The following CACNA1E variants were observed in gnomAD, a reference collection of about 807,000 sequenced individuals.
CACNA1E encodes the protein voltage-dependent R-type calcium channel subunit alpha-1E.
Under a neutral mutation model 259.2 loss-of-function variants are expected in CACNA1E, and 40 were observed. The ratio of observed to expected loss-of-function variants is 0.15; its 90% CI spans 0.12 to 0.20. CACNA1E has a LOEUF of 0.20. CACNA1E is among the 10% of genes least tolerant of loss of function. The pLI, the probability that CACNA1E is intolerant of heterozygous loss-of-function variation, is 1.00. For synonymous variants in CACNA1E, 1,104 were observed against 1,138.5 expected (o/e 0.97, Z 0.61); for missense variants, 1,874 against 3,040.1 (o/e 0.62, Z 9.02).
chr1:181,692,185 A>T (rs1651231647), intron 7 of CACNA1E, among the ~76,000 whole-genome samples: 1 of 152,210 alleles, frequency 6.6e-6, no homozygotes, highest in African/African-American at 2.4e-5. Context: ...AAACTGGAAA[A>T]ATATTTTATG....
chr1:181,417,207 A>G (rs1345261530), intron 2 of CACNA1E, among the ~76,000 whole-genome samples: 3 of 151,996 alleles, frequency 2.0e-5, no homozygotes, highest in Admixed American at 1.3e-4. Context: ...CCCCTTCCCC[A>G]GTCATGTCAC....
intron 2 of CACNA1E, among the ~76,000 whole-genome samples, chr1:181,457,830 A>T (rs1028152107): frequency 6.6e-6 from 1 of 152,236 alleles, no homozygotes; most frequent in African/African-American, 2.4e-5. Flanking sequence ...AAAAAGAGTA[A>T]CTGGTGATAT....
chr1:181,589,326 GA>G (rs1467497844), intron 6 of CACNA1E, among the ~76,000 whole-genome samples: 1 of 152,184 alleles, frequency 6.6e-6, no homozygotes, highest in Non-Finnish European at 1.5e-5. Context: ...CCTACTATGT[GA>G]ATTTCCATGA....
At chr1:181,366,854 G>C (rs922425135) in intron 1 of CACNA1E, among the ~76,000 whole-genome samples, 1 of 152,178 alleles carries the variant, frequency 6.6e-6, no homozygotes, top group Non-Finnish European at 1.5e-5. Flanking sequence ...GTGGTGCTTG[G>C]CACTTAACCT....
chr1:181,715,812 A>G (rs753513377), intron 9 of CACNA1E, among the ~76,000 whole-genome samples: 3 of 152,210 alleles, frequency 2.0e-5, no homozygotes, highest in Admixed American at 6.5e-5. Context: ...AGGCTCTAGC[A>G]TGGCTTCCAG....
intron 3 of CACNA1E, among the ~76,000 whole-genome samples, chr1:181,571,611 C>G (rs1433897630): frequency 6.6e-6 from 1 of 152,246 alleles, no homozygotes; most frequent in African/African-American, 2.4e-5. Context: ...GGAAATTCAG[C>G]TTGTATTAGG....
At chr1:181,616,118 G>T (rs907156243) in intron 6 of CACNA1E, among the ~76,000 whole-genome samples, 2 of 152,006 alleles carry the variant, frequency 1.3e-5, no homozygotes, top group Non-Finnish European at 2.9e-5. Context: ...TTTTACGATT[G>T]CATTATCTGT....
intron 6 of CACNA1E, among the ~76,000 whole-genome samples, chr1:181,587,141 C>G (rs796209045): frequency 4.5e-4 from 69 of 152,194 alleles, no homozygotes; most frequent in African/African-American, 1.6e-3. Context: ...GTGTTGGAAT[C>G]TTGTAGAAAT....
At position 181,473,469 on chromosome 1, in the gene CACNA1E, ATGAC is replaced by A. The variant is rs1293439643; in HGVS notation, c.435-10274_435-10271del. On this transcript the variant is annotated intron_variant, in intron 2 of 11. Transcript: ENST00000524607. ...TTGCTCTGGGATATTGCAATGCAAA[ATGAC>A]AGCAGCAGTAGGAGGAGCAGGTTGG... Among the ~76,000 whole-genome samples the A allele has an allele frequency of 3.3e-5, 5 of 152,228 alleles. No homozygotes were observed. The East Asian group carries it at 9.6e-4, about 29-fold the overall frequency.
chr1:181,640,849 G>A (rs984156902), intron 6 of CACNA1E, among the ~76,000 whole-genome samples: 2 of 152,148 alleles, frequency 1.3e-5, no homozygotes, highest in African/African-American at 2.4e-5. Flanking sequence ...AGAATCTCCT[G>A]TTTGTGGAGT....
At chr1:181,691,967 A>G (rs1184092581) in intron 7 of CACNA1E, among the ~76,000 whole-genome samples, 1 of 152,198 alleles carries the variant, frequency 6.6e-6, no homozygotes, top group Non-Finnish European at 1.5e-5. Flanking sequence ...ACTTCAGTGA[A>G]GTTTCAGGAT....
intron 1 of CACNA1E, among the ~76,000 whole-genome samples, chr1:181,363,726 G>A (rs34291208): frequency 0.092 from 13,975 of 152,188 alleles, 710 homozygotes; most frequent in Non-Finnish European, 0.1. Flanking sequence ...CTGGTCTCTG[G>A]CTCTCTGCAT....
chr1:181,572,172 C>G (rs542639679), intron 3 of CACNA1E, among the ~76,000 whole-genome samples: 165 of 152,180 alleles, frequency 1.1e-3, no homozygotes, highest in Non-Finnish European at 2.0e-3. Flanking sequence ...TATTATAGAC[C>G]TGGATTGACA....
intron 6 of CACNA1E, among the ~76,000 whole-genome samples, chr1:181,607,492 G>A (rs770725886): frequency 5.3e-5 from 8 of 152,102 alleles, no homozygotes; most frequent in African/African-American, 9.7e-5. Flanking sequence ...GTATCCTTGC[G>A]ATCCCAGCGT....
intron 38 of CACNA1E, among the ~76,000 whole-genome samples, chr1:181,781,071 G>A (rs998931146): frequency 1.3e-5 from 2 of 152,098 alleles, no homozygotes; most frequent in African/African-American, 4.8e-5. Flanking sequence ...GGAAGTCAGG[G>A]GAATGCTAAT....
chr1:181,756,773 G>A (rs1658124558), intron 29 of CACNA1E, among the ~76,000 whole-genome samples, 152 bp from the exon 30 acceptor site: 1 of 152,168 alleles, frequency 6.6e-6, no homozygotes. Flanking sequence ...GTTGATAGCA[G>A]GATATGACAA....
Position 181,422,565 on chromosome 1 carries a change from G to A in CACNA1E, c.434+8985G>A, listed in dbSNP as rs533556326. 2.2e-4 allele frequency among the ~76,000 whole-genome samples: 34 copies of A among 152,270 alleles called. No homozygotes were observed. In the South Asian group the frequency reaches 7.1e-3, roughly 32 times the overall value. On this transcript the variant is annotated intron_variant, in intron 2 of 11. Coordinates refer to the CACNA1E transcript ENST00000524607. ...GAGAACTGTCCTCCTTCAAGCTATT[G>A]TTTGATCACCACAGAGCCATGTCTT...
chr1:181,597,934 G>A (rs1425304063), intron 6 of CACNA1E, among the ~76,000 whole-genome samples: 3 of 152,150 alleles, frequency 2.0e-5, no homozygotes, highest in Admixed American at 6.5e-5. Context: ...TTCCTCCCAC[G>A]ACACGTGGGA....
chr1:181,352,907 C>A (rs1229551625), intron 1 of CACNA1E, among the ~76,000 whole-genome samples: 2 of 120,456 alleles, frequency 1.7e-5, no homozygotes, highest in Non-Finnish European at 3.3e-5. Context: ...AAGAGAGGAG[C>A]AGTGGGCCGG....
Sources: allele counts gnomAD v4.1 joint callset (sites outside exome capture counted in the v4.1 genomes callset), GRCh38; gene constraint gnomAD v4.1.1; transcripts MANE v1.5; gene names NCBI Gene and HGNC (gene_info 2026-07-23, HGNC 2026-07-21).